TRPM3: variants seen among roughly 807,000 people sequenced by gnomAD.
TRPM3 encodes long transient receptor potential channel 3.
Under a neutral mutation model 181.2 loss-of-function variants are expected in TRPM3, and 77 were observed. That is an observed-to-expected ratio of 0.42 (90% CI 0.35 to 0.51). TRPM3 has a LOEUF of 0.51. TRPM3 is among the 20% of genes least tolerant of loss of function. TRPM3 has a pLI of 0.01. For synonymous variants in TRPM3, 745 were observed against 796.4 expected, an observed-to-expected ratio of 0.94 and a Z score of 1.09; for missense variants, 1,759 against 2,196.7, an observed-to-expected ratio of 0.80 and a Z score of 3.98.
intron 1 of TRPM3, among the ~76,000 whole-genome samples, chr9:71,088,672 G>A (rs1364963555): frequency 6.6e-6 from 1 of 152,068 alleles, no homozygotes; most frequent in Non-Finnish European, 1.5e-5. Context: ...AAAGCGTAAT[G>A]AGGTTTCCTC....
chr9:71,121,054 C>T, intron 1 of TRPM3, 124 bp downstream of exon 1: 1 of 864,038 alleles, frequency 1.2e-6, no homozygotes, highest in Non-Finnish European at 1.8e-6. Flanking sequence ...CAGCCACGGA[C>T]CACAGAGCCA....
At chr9:71,199,301 C>T (rs2078618493) in intron 1 of TRPM3, among the ~76,000 whole-genome samples, 2 of 151,988 alleles carry the variant, frequency 1.3e-5, no homozygotes, top group African/African-American at 4.8e-5. Flanking sequence ...ATTTTTGCAT[C>T]AATATTCATC....
intron 15 of TRPM3, 40 bp downstream of exon 15, chr9:70,621,204 G>A: frequency 6.6e-7 from 1 of 1,510,476 alleles, no homozygotes; most frequent in Non-Finnish European, 9.0e-7. Flanking sequence ...GTAATAAAGA[G>A]AATAAATCAT....
intron 1 of TRPM3, among the ~76,000 whole-genome samples, chr9:70,866,648 G>A (rs2095655497): frequency 6.6e-6 from 1 of 152,028 alleles, no homozygotes; most frequent in Admixed American, 6.6e-5. Context: ...CTCCCTTTGT[G>A]TTGGGGATGA....
intron 1 of TRPM3, among the ~76,000 whole-genome samples, chr9:71,228,537 C>T (rs886831939): frequency 1.3e-5 from 2 of 152,152 alleles, no homozygotes; most frequent in African/African-American, 4.8e-5. Context: ...ATCAAATTAT[C>T]CTTGTTTGCA....
chr9:70,921,974 C>CACACACACAT (rs1168237101), intron 1 of TRPM3, among the ~76,000 whole-genome samples: 5 of 150,548 alleles, frequency 3.3e-5, no homozygotes, highest in Admixed American at 1.3e-4. Context: ...CACACACACA[C>CACACACACAT]ATATAGTTAT....
intron 1 of TRPM3, among the ~76,000 whole-genome samples, chr9:71,385,778 C>T (rs1298615539): frequency 6.6e-6 from 1 of 152,102 alleles, no homozygotes; most frequent in African/African-American, 2.4e-5. Flanking sequence ...AACCTTGGCT[C>T]ACTGCAACCT....
At chr9:70,882,473 T>C (rs1463330659) in intron 1 of TRPM3, among the ~76,000 whole-genome samples, 2 of 152,154 alleles carry the variant, frequency 1.3e-5, no homozygotes, top group East Asian at 3.9e-4. Context: ...ACTGCAGGTG[T>C]GAAGGCTTAG....
intron 1 of TRPM3, among the ~76,000 whole-genome samples, chr9:71,349,090 G>A (rs2091456976): frequency 6.6e-6 from 1 of 152,108 alleles, no homozygotes. Flanking sequence ...TCATATTAGG[G>A]CTAGAAAAGT....
intron 1 of TRPM3, among the ~76,000 whole-genome samples, chr9:71,371,063 G>GA (rs35238336): frequency 0.43 from 62,281 of 146,540 alleles, 14,433 homozygotes; most frequent in Non-Finnish European, 0.53. Flanking sequence ...CTACTTCTGA[G>GA]AAAAAAAAAA....
intron 1 of TRPM3, among the ~76,000 whole-genome samples, chr9:71,002,295 TAC>T (rs1302538822): frequency 6.6e-6 from 1 of 152,232 alleles, no homozygotes; most frequent in African/African-American, 2.4e-5. Flanking sequence ...CACTGTTGTT[TAC>T]GCTGCAAGCA....
At chr9:71,336,089 C>A (rs1333156738) in intron 1 of TRPM3, among the ~76,000 whole-genome samples, 1 of 150,786 alleles carries the variant, frequency 6.6e-6, no homozygotes, top group Non-Finnish European at 1.5e-5. Flanking sequence ...AAAATAACCA[C>A]AAAATAATAG....
chr9:70,787,523 C>T (rs2083960255), intron 6 of TRPM3, among the ~76,000 whole-genome samples: 1 of 149,080 alleles, frequency 6.7e-6, no homozygotes, highest in Non-Finnish European at 1.5e-5. Flanking sequence ...GATATGTTAA[C>T]ATTAAACCTT....
chr9:70,668,741 G>A (rs1300081650), intron 9 of TRPM3, among the ~76,000 whole-genome samples: 1 of 146,884 alleles, frequency 6.8e-6, no homozygotes, highest in African/African-American at 2.5e-5. Context: ...TTGTATGTTA[G>A]ATTTACTGTT....
At chr9:71,071,689 G>A (rs1163139352) in intron 1 of TRPM3, among the ~76,000 whole-genome samples, 1 of 152,150 alleles carries the variant, frequency 6.6e-6, no homozygotes, top group Non-Finnish European at 1.5e-5. Context: ...GGAACAGAAA[G>A]AGAATTGACT....
At chr9:71,388,497 C>G (rs1000848488) in intron 1 of TRPM3, among the ~76,000 whole-genome samples, 1 of 152,022 alleles carries the variant, frequency 6.6e-6, no homozygotes, top group African/African-American at 2.4e-5. Context: ...ATGTAAGATG[C>G]ACAAAGGAAA....
rs2090872472 is a variant in TRPM3 at position 70,807,174 on chromosome 9, A to G, written c.973+20673T>C. Among the ~76,000 whole-genome samples the G allele has an allele frequency of 2.6e-5, 4 of 152,220 alleles. 1 individual carries two copies. The South Asian group carries it at 8.3e-4, about 31-fold the overall frequency. On this transcript the variant is annotated intron_variant, in intron 6 of 25. Transcript: ENST00000677713. ...TGATCCTGATCTGGACTGAAAAGCA[A>G]CCATGGGCAATTATCATTTTGAATA...
intron 1 of TRPM3, among the ~76,000 whole-genome samples, chr9:71,423,447 T>C (rs1043502502): frequency 6.6e-6 from 1 of 152,068 alleles, no homozygotes; most frequent in African/African-American, 2.4e-5. Context: ...ATTTTCTGAG[T>C]AACCATTCCT....
intron 1 of TRPM3, among the ~76,000 whole-genome samples, chr9:70,947,462 T>C (rs1016006261): frequency 1.6e-4 from 25 of 152,304 alleles, no homozygotes; most frequent in African/African-American, 5.5e-4. Flanking sequence ...GTATCCACTA[T>C]TTTTATTTTG....
Sources: gnomAD v4.1 joint callset for allele counts (sites outside exome capture counted in the v4.1 genomes callset) on GRCh38, gnomAD v4.1.1 for gene constraint, MANE v1.5 for transcripts, NCBI Gene and HGNC (gene_info 2026-07-23, HGNC 2026-07-21) for gene names.